SRPK2: variants seen among roughly 807,000 people sequenced by gnomAD.
SRPK2 encodes the protein SRSF protein kinase 2, also known as SFRS protein kinase 2.
Under a neutral mutation model 90.8 loss-of-function variants are expected in SRPK2, and 21 were observed. That is an observed-to-expected ratio of 0.23 (90% CI 0.16 to 0.33). The LOEUF is 0.33. Ranked by LOEUF, SRPK2 falls within the 10% of genes least tolerant of loss-of-function variation. The probability of loss-of-function intolerance (pLI) is 1.00; values close to 1 mark genes in which losing one functional copy is unlikely to be tolerated. For synonymous variants in SRPK2, 288 were observed against 311.1 expected (o/e 0.93, Z 0.78); for missense variants, 620 against 869.0 (o/e 0.71, Z 3.60).
intron 2 of SRPK2, among the ~76,000 whole-genome samples, chr7:105,318,674 C>T (rs1009111634): frequency 2.0e-5 from 3 of 152,136 alleles, no homozygotes; most frequent in African/African-American, 7.2e-5. Context: ...ACTTCACTGT[C>T]AATATTCTAG....
At chr7:105,375,261 T>C (rs1029710538) in intron 2 of SRPK2, among the ~76,000 whole-genome samples, 1 of 152,118 alleles carries the variant, frequency 6.6e-6, no homozygotes, top group African/African-American at 2.4e-5. Context: ...AGCAAAACAA[T>C]ACTGAGATAG....
At chr7:105,211,320 T>G (rs1337299155) in intron 2 of SRPK2, among the ~76,000 whole-genome samples, 2 of 152,136 alleles carry the variant, frequency 1.3e-5, no homozygotes, top group Admixed American at 6.5e-5. Flanking sequence ...AGTTCTCTTT[T>G]GGGAATAGGA....
At chr7:105,251,206 A>C (rs1563146659) in intron 2 of SRPK2, among the ~76,000 whole-genome samples, 1 of 152,228 alleles carries the variant, frequency 6.6e-6, no homozygotes, top group Non-Finnish European at 1.5e-5. Flanking sequence ...AAGGCACCCC[A>C]AAAAACTGAC....
At chr7:105,347,894 C>G (rs1386785025) in intron 2 of SRPK2, among the ~76,000 whole-genome samples, 1 of 151,272 alleles carries the variant, frequency 6.6e-6, no homozygotes, top group Non-Finnish European at 1.5e-5. Context: ...GTAGCTTGCA[C>G]AATTAATTCT....
intron 2 of SRPK2, among the ~76,000 whole-genome samples, chr7:105,378,071 T>C (rs1225009755): frequency 6.6e-6 from 1 of 152,078 alleles, no homozygotes; most frequent in Non-Finnish European, 1.5e-5. Context: ...ATTTATTGCT[T>C]ACCACACCCT....
At chr7:105,152,645 C>T (rs1044906606) in intron 7 of SRPK2, among the ~76,000 whole-genome samples, 1 of 152,180 alleles carries the variant, frequency 6.6e-6, no homozygotes, top group Non-Finnish European at 1.5e-5. Flanking sequence ...ATGGATAGAT[C>T]TCCCCTTGCA....
intron 4 of SRPK2, among the ~76,000 whole-genome samples, chr7:105,168,730 A>G (rs999801127): frequency 3.5e-5 from 3 of 85,286 alleles, no homozygotes; most frequent in African/African-American, 1.0e-4. Context: ...ACACACACAC[A>G]CACACACGCA....
At chr7:105,389,347 T>G (rs976893561), upstream of SRPK2, 3 of 1,275,570 alleles carry the variant, frequency 2.4e-6, no homozygotes, top group East Asian at 1.9e-4. Flanking sequence ...CTCCCTTTGC[T>G]CCTCTACATC....
At chr7:105,350,520 ATTTT>A (rs1292529651) in intron 2 of SRPK2, among the ~76,000 whole-genome samples, 6 of 126,964 alleles carry the variant, frequency 4.7e-5, no homozygotes, top group African/African-American at 1.1e-4. Flanking sequence ...GGTTGCTACA[ATTTT>A]TTTTCTTTTT....
intron 3 of SRPK2, among the ~76,000 whole-genome samples, chr7:105,196,318 G>C (rs1178859733): frequency 6.6e-6 from 1 of 152,152 alleles, no homozygotes; most frequent in Admixed American, 6.5e-5. Context: ...AAAGAACTGT[G>C]AATAAAGAAA....
chr7:105,186,314 C>A (rs896527793), intron 3 of SRPK2, among the ~76,000 whole-genome samples: 8 of 152,238 alleles, frequency 5.3e-5, no homozygotes, highest in Non-Finnish European at 1.0e-4. Flanking sequence ...CCATTATACC[C>A]AATAGGTAAT....
chr7:105,249,057 G>A lies in SRPK2; in HGVS notation c.72-45272C>T, dbSNP rs78999085. On this transcript the variant is annotated intron_variant, in intron 2 of 15. Coordinates refer to ENST00000393651, the MANE Select transcript of SRPK2 (RefSeq NM_182692.3). The stretch of plus-strand genomic sequence containing the variant: ...TTGATGACCAAGGACATCACACCTC[G>A]TCTCTCAGCCTTCTTGAGGCATATA... Among the ~76,000 whole-genome samples, 1,288 of 152,236 alleles carry A rather than the reference G, an allele frequency of 8.5e-3. 7 individuals carry two copies. The highest frequency in any genetic ancestry group is 0.012 in the Non-Finnish European group (798 of 68,012).
chr7:105,268,195 G>C (rs1037215131), intron 2 of SRPK2, among the ~76,000 whole-genome samples: 1 of 152,212 alleles, frequency 6.6e-6, no homozygotes, highest in East Asian at 1.9e-4. Flanking sequence ...AAATACTTCT[G>C]AGTCATTTTG....
intron 2 of SRPK2, among the ~76,000 whole-genome samples, chr7:105,251,883 T>C (rs897547521): frequency 6.6e-6 from 1 of 152,210 alleles, no homozygotes; most frequent in African/African-American, 2.4e-5. Context: ...AAATTCAGTG[T>C]CGTGGCTTGA....
chr7:105,176,565 GTGTGTGTGTGTGTGTA>G, intron 3 of SRPK2, among the ~76,000 whole-genome samples: 1 of 129,558 alleles, frequency 7.7e-6, no homozygotes, highest in Non-Finnish European at 1.7e-5. Context: ...ATATGTGTGT[GTGTGTGTGTGTGTGTA>G]TGTATATATG....
chr7:105,377,160 T>G (rs1488855593), intron 2 of SRPK2, among the ~76,000 whole-genome samples: 1 of 152,122 alleles, frequency 6.6e-6, no homozygotes, highest in Admixed American at 6.6e-5. Context: ...AATGCTGTAT[T>G]CCCTTGGTTT....
intron 2 of SRPK2, among the ~76,000 whole-genome samples, chr7:105,280,656 AGG>A (rs34617561): frequency 3.9e-4 from 10 of 25,970 alleles, no homozygotes; most frequent in South Asian, 1.8e-3. Flanking sequence ...ATTAAAAAAA[AGG>A]GGGGGGGGGC....
At chr7:105,224,578 C>T (rs1394710443) in intron 2 of SRPK2, among the ~76,000 whole-genome samples, 1 of 152,140 alleles carries the variant, frequency 6.6e-6, no homozygotes, top group African/African-American at 2.4e-5. Context: ...GACTGCACTC[C>T]AGCCTGGGCA....
At chr7:105,313,351 G>A (rs1264024329) in intron 2 of SRPK2, among the ~76,000 whole-genome samples, 1 of 151,352 alleles carries the variant, frequency 6.6e-6, no homozygotes, top group Admixed American at 6.6e-5. Context: ...GGCAGCTGAG[G>A]CAGGAGAATC....
Sources: gnomAD v4.1 joint callset for allele counts (sites outside exome capture counted in the v4.1 genomes callset) on GRCh38, gnomAD v4.1.1 for gene constraint, MANE v1.5 for transcripts, NCBI Gene and HGNC (gene_info 2026-07-23, HGNC 2026-07-21) for gene names.